Variants in PCDH15 observed in about 807,000 individuals in gnomAD.
PCDH15 encodes the protein protocadherin-15.
A neutral mutation model predicts 178.5 loss-of-function variants in PCDH15; 129 were observed. That is an observed-to-expected ratio of 0.72 (90% confidence interval 0.63 to 0.84). PCDH15 has a LOEUF of 0.84. Ranked by LOEUF, PCDH15 falls within the 40% of genes least tolerant of loss-of-function variation. The probability of loss-of-function intolerance (pLI) is 0.00; values close to 1 mark genes in which losing one functional copy is unlikely to be tolerated. For synonymous variants in PCDH15, 800 were observed against 732.0 expected, an observed-to-expected ratio of 1.09 and a Z score of -1.50; for missense variants, 2,230 against 2,099.9, an observed-to-expected ratio of 1.06 and a Z score of -1.21.
chr10:54,033,911 C>T (rs77874822), intron 18 of PCDH15, among the ~76,000 whole-genome samples: 4,206 of 151,978 alleles, frequency 0.028, 198 homozygotes, highest in African/African-American at 0.097. Flanking sequence ...TGCCCATGCC[C>T]TTCTCTGAAG....
At chr10:55,154,067 C>A (rs2799582) in intron 2 of PCDH15, among the ~76,000 whole-genome samples, 3 of 152,150 alleles carry the variant, frequency 2.0e-5, no homozygotes, top group Non-Finnish European at 4.4e-5. Flanking sequence ...CGCTCCTATA[C>A]AATTTTCCTA....
intron 2 of PCDH15, among the ~76,000 whole-genome samples, chr10:55,085,463 C>A (rs562213768): frequency 1.4e-4 from 22 of 151,744 alleles, no homozygotes; most frequent in Admixed American, 1.2e-3. Flanking sequence ...ATTTATTGTA[C>A]ACTTAAAAAT....
chr10:55,020,009 T>C (rs10825431), intron 2 of PCDH15, among the ~76,000 whole-genome samples: 9,136 of 151,650 alleles, frequency 0.06, 382 homozygotes, highest in African/African-American at 0.11. Flanking sequence ...TATGTCATTT[T>C]TGGAAATTCT....
chr10:54,526,508 T>C (rs2083377423), intron 3 of PCDH15, among the ~76,000 whole-genome samples: 1 of 152,184 alleles, frequency 6.6e-6, no homozygotes, highest in Non-Finnish European at 1.5e-5. Context: ...TAACAGAGAA[T>C]CTTTTTTCAT....
chr10:55,474,053 C>T (rs1840016084), intron 2 of PCDH15, among the ~76,000 whole-genome samples: 1 of 152,098 alleles, frequency 6.6e-6, no homozygotes, highest in African/African-American at 2.4e-5. Flanking sequence ...GACCATGCCA[C>T]TTCCCACCAT....
At chr10:55,270,350 A>G (rs1842410327) in intron 1 of PCDH15, among the ~76,000 whole-genome samples, 1 of 152,194 alleles carries the variant, frequency 6.6e-6, no homozygotes. Flanking sequence ...TAGACCGACA[A>G]CCTACCAAAT....
chr10:55,527,012 A>G (rs1290028655), intron 2 of PCDH15, among the ~76,000 whole-genome samples: 1 of 152,060 alleles, frequency 6.6e-6, no homozygotes, highest in East Asian at 1.9e-4. Flanking sequence ...CCTGGCAAGC[A>G]TTGCTTAAAT....
chr10:55,255,162 C>T (rs1408379843), intron 1 of PCDH15, among the ~76,000 whole-genome samples: 1 of 152,144 alleles, frequency 6.6e-6, no homozygotes, highest in Non-Finnish European at 1.5e-5. Flanking sequence ...TCCATGTATT[C>T]TCGTTGTTCA....
chr10:54,969,447 T>C (rs1171242890), intron 2 of PCDH15, among the ~76,000 whole-genome samples: 3 of 152,328 alleles, frequency 2.0e-5, no homozygotes, highest in South Asian at 4.1e-4. Flanking sequence ...CTTAGTCCTA[T>C]GTGAATGTTG....
At chr10:54,655,336 G>GAA (rs2094377343) in intron 2 of PCDH15, among the ~76,000 whole-genome samples, 3 of 150,278 alleles carry the variant, frequency 2.0e-5, no homozygotes, top group Non-Finnish European at 4.4e-5. Context: ...GAGAAAGAGA[G>GAA]AAAGAAAGAA....
At position 53,961,886 on chromosome 10, in the gene PCDH15, G is replaced by C. The variant is rs751778689; in HGVS notation, c.2875C>G (p.Pro959Ala). 1 of 1,606,936 alleles carries C rather than the reference G, an allele frequency of 6.2e-7. No homozygotes were observed. Among genetic ancestry groups the C allele is most frequent in the East Asian group, 2.2e-5 (1 of 44,654 alleles). The stretch of plus-strand genomic sequence containing the variant: ...ACTCTATACCTCACACGACTTGCAG[G>C]TAATCCCTAAAATAAAATTATTAAT... Reference protein sequence around the residue: ...YAEDADPPGLPASRVRYRVDD... With the variant: ...YAEDADPPGLAASRVRYRVDD... Residue 959 changes from proline (P) to alanine (A), a missense_variant, in exon 22 of 38, where the codon CCT becomes GCT. By Grantham distance (27) the Pro-to-Ala change is conservative. Coordinates refer to ENST00000644397, the MANE Select transcript of PCDH15 (RefSeq NM_001384140.1).
At chr10:54,951,632 T>C (rs1838341416) in intron 2 of PCDH15, among the ~76,000 whole-genome samples, 2 of 151,946 alleles carry the variant, frequency 1.3e-5, no homozygotes, top group Admixed American at 6.6e-5. Context: ...TGTAAGAAAC[T>C]GTCAAACTGT....
intron 2 of PCDH15, among the ~76,000 whole-genome samples, chr10:54,554,400 T>A (rs2086941755): frequency 6.6e-6 from 1 of 152,176 alleles, no homozygotes; most frequent in Non-Finnish European, 1.5e-5. Context: ...ATATCGTAGG[T>A]TTCCCAGATC....
chr10:55,568,883 C>T (rs1842354627), intron 2 of PCDH15, among the ~76,000 whole-genome samples: 1 of 152,034 alleles, frequency 6.6e-6, no homozygotes, highest in Non-Finnish European at 1.5e-5. Flanking sequence ...CTGCATCTGT[C>T]ACTGCATGCA....
chr10:55,150,998 A>C (rs1159285975), intron 2 of PCDH15, among the ~76,000 whole-genome samples: 1 of 152,186 alleles, frequency 6.6e-6, no homozygotes, highest in African/African-American at 2.4e-5. Flanking sequence ...GAAGTAGATA[A>C]ATTGAATATC....
intron 1 of PCDH15, among the ~76,000 whole-genome samples, chr10:55,274,933 C>T (rs1304444192): frequency 1.3e-5 from 2 of 152,040 alleles, no homozygotes; most frequent in Non-Finnish European, 2.9e-5. Context: ...TGCTCACTGG[C>T]CTGTTGCTCA....
chr10:55,284,590 T>TA (rs1329364435), intron 1 of PCDH15, among the ~76,000 whole-genome samples: 1 of 152,108 alleles, frequency 6.6e-6, no homozygotes, highest in African/African-American at 2.4e-5. Flanking sequence ...TTTTCATTGT[T>TA]ACATACCAAT....
intron 1 of PCDH15, among the ~76,000 whole-genome samples, chr10:54,737,150 C>T (rs771280531): frequency 2.6e-5 from 4 of 152,016 alleles, no homozygotes; most frequent in South Asian, 2.1e-4. Flanking sequence ...TTAGACCTGC[C>T]GGGTGCTTCT....
chr10:55,271,210 A>G (rs1842435742), intron 1 of PCDH15, among the ~76,000 whole-genome samples: 1 of 152,060 alleles, frequency 6.6e-6, no homozygotes, highest in Admixed American at 6.5e-5. Context: ...GATGCAATAT[A>G]TCCATGCAAC....
Sources: allele counts gnomAD v4.1 joint callset (sites outside exome capture counted in the v4.1 genomes callset), GRCh38; gene constraint gnomAD v4.1.1; transcripts MANE v1.5; gene names NCBI Gene and HGNC (gene_info 2026-07-23, HGNC 2026-07-21).